Variants in EGFR observed in about 807,000 individuals in gnomAD.
EGFR encodes epidermal growth factor receptor.
In EGFR, 58 loss-of-function variants were observed where a neutral mutation model predicts 143.0. The ratio of observed to expected loss-of-function variants is 0.41; its 90% CI spans 0.33 to 0.50. The LOEUF is 0.50. EGFR is among the 20% of genes least tolerant of loss of function. The pLI is 0.39. For missense variants in EGFR, 1,307 were observed against 1,579.0 expected, an observed-to-expected ratio of 0.83 and a Z score of 2.92; for synonymous variants, 613 against 594.4, an observed-to-expected ratio of 1.03 and a Z score of -0.45.
chr7:55,022,891 A>T (rs1326172193), intron 1 of EGFR, among the ~76,000 whole-genome samples: 2 of 152,228 alleles, frequency 1.3e-5, no homozygotes, highest in Non-Finnish European at 2.9e-5. Flanking sequence ...CATGTTCTGA[A>T]ATGTTTTTAG....
chr7:55,082,848 C>G (rs1206648876), intron 1 of EGFR, among the ~76,000 whole-genome samples: 1 of 152,234 alleles, frequency 6.6e-6, no homozygotes, highest in Non-Finnish European at 1.5e-5. Context: ...TAGAGTCTCT[C>G]TCTCTGAAAC....
chr7:55,090,802 G>C (rs1230668348), intron 1 of EGFR, among the ~76,000 whole-genome samples: 1 of 152,176 alleles, frequency 6.6e-6, no homozygotes, highest in African/African-American at 2.4e-5. Flanking sequence ...TTGGCTTCAG[G>C]AATGAGGCTA....
chr7:55,062,575 A>G (rs1789251162), intron 1 of EGFR, among the ~76,000 whole-genome samples: 1 of 152,150 alleles, frequency 6.6e-6, no homozygotes, highest in South Asian at 2.1e-4. Context: ...TTCTGAATAT[A>G]ACTCCATGGT....
rs151064287 is a variant in EGFR, at chr7:55,192,815, C to G, written c.2675C>G (p.Thr892Ser). The G allele has an allele frequency of 6.2e-7, 1 of 1,614,200 alleles. No homozygotes were observed. ...ALESILHRIY[T>S]HQSDVWSYGV... ...GAATCAATTTTACACAGAATCTATA[C>G]CCACCAGAGTGATGTCTGGAGCTAC... The change falls in exon 22 of 28, where the codon ACC (threonine) becomes AGC (serine). Residue 892 changes from threonine to serine, a missense_variant. Coordinates refer to ENST00000275493, the MANE Select transcript of EGFR (RefSeq NM_005228.5).
Position 55,019,306 on chromosome 7 carries a change from C to T in EGFR, c.29C>T (p.Ala10Val), listed in dbSNP as rs1217714114. ...CGACCCTCCGGGACGGCCGGGGCAGCGCTCCTGGCGCTGCTGGCTGCGCTC... is the reference window on the plus strand; with the variant it reads ...CGACCCTCCGGGACGGCCGGGGCAGTGCTCCTGGCGCTGCTGGCTGCGCTC... MRPSGTAGAALLALLAALCP... is the reference protein window; with the variant it reads MRPSGTAGAVLLALLAALCP... The change falls in exon 1 of 28, where the codon GCG becomes GTG. Residue 10 changes from alanine to valine, a missense_variant. By Grantham distance (64) the Ala-to-Val change is moderately conservative. Transcript: ENST00000275493. 4 of 1,516,798 alleles carry T rather than the reference C, an allele frequency of 2.6e-6. No homozygotes were observed. In the East Asian group the frequency reaches 8.3e-5, roughly 31 times the overall value. The allele number at this position is 1,516,798 out of a possible 1,614,324, so 94.0% of individuals were successfully genotyped here.
In EGFR at chr7:55,191,645, A is replaced by G. The variant is rs1355360695; in HGVS notation, c.2470-74A>G. Reference sequence around the variant, plus strand: ...GAGAGGCTCAGAGCCTGGCATGAACATGACCCTGAATTCGGATGCAGAGCT... The same window carrying G: ...GAGAGGCTCAGAGCCTGGCATGAACGTGACCCTGAATTCGGATGCAGAGCT... On this transcript the variant is annotated intron_variant, in intron 20 of 27. Coordinates refer to ENST00000275493, the MANE Select transcript of EGFR (RefSeq NM_005228.5). 8.1e-6 allele frequency: 13 copies of G among 1,600,164 alleles called. No individual in the cohort carries two copies. The East Asian group carries it at 2.5e-4, about 30-fold the overall frequency.
intron 1 of EGFR, among the ~76,000 whole-genome samples, chr7:55,114,353 G>A (rs1422282140): frequency 6.6e-6 from 1 of 152,132 alleles, no homozygotes; most frequent in Non-Finnish European, 1.5e-5. Flanking sequence ...AGGTGTAGTG[G>A]CACATGCCTG....
intron 1 of EGFR, among the ~76,000 whole-genome samples, chr7:55,035,859 A>G (rs1787533609): frequency 6.6e-6 from 1 of 152,086 alleles, no homozygotes; most frequent in South Asian, 2.1e-4. Context: ...GGGAGGTCCT[A>G]TCCCCCTTCC....
chr7:55,191,841 G>A lies in EGFR; in HGVS notation c.2592G>A (p.Ala864=), dbSNP rs397517131. 8.6e-5 allele frequency: 138 copies of A among 1,613,968 alleles called. 1 individual carries two copies. Among genetic ancestry groups the A allele is most frequent in the South Asian group, 3.5e-4 (32 of 91,076 alleles). The stretch of plus-strand genomic sequence containing the variant: ...TTGGGCTGGCCAAACTGCTGGGTGC[G>A]GAAGAGAAAGAATACCATGCAGAAG... ...TDFGLAKLLG[A]EEKEYHAEGG... Residue 864 remains alanine, a synonymous_variant, in exon 21 of 28, where the codon GCG becomes GCA. Transcript: ENST00000275493.
At position 55,067,951 on chromosome 7, in the gene EGFR, T is replaced by C. The variant is rs564693652; in HGVS notation, c.88+48586T>C. 1.7e-4 allele frequency among the ~76,000 whole-genome samples: 25 copies of C among 151,356 alleles called. 1 individual carries two copies. Among genetic ancestry groups the C allele is most frequent in the Non-Finnish European group, 2.6e-4 (18 of 68,000 alleles). ...CTGCGCACGTGTGTATGCATGTATA[T>C]GGGTATGTGTGTACGTGTGTACGTG... On this transcript the variant is annotated intron_variant, in intron 1 of 27. Transcript: ENST00000275493.
chr7:55,191,592 C>G (rs1166192754), intron 20 of EGFR, 127 bp from the exon 21 acceptor site: 1 of 1,230,698 alleles, frequency 8.1e-7, no homozygotes, highest in Non-Finnish European at 1.2e-6. Flanking sequence ...TAGTCACTAA[C>G]GTTCGCCAGC....
At chr7:55,058,377 G>A (rs974255730) in intron 1 of EGFR, among the ~76,000 whole-genome samples, 8 of 151,384 alleles carry the variant, frequency 5.3e-5, no homozygotes, top group African/African-American at 1.7e-4. Context: ...CTAGGTGACA[G>A]AGCGAGACTC....
In EGFR at chr7:55,128,605, G is replaced by T. The variant is rs73696547; in HGVS notation, c.89-13681G>T. Among the ~76,000 whole-genome samples the T allele has an allele frequency of 8.3e-3, 1,269 of 152,270 alleles. 20 individuals are homozygous for T. Among genetic ancestry groups the T allele is most frequent in the African/African-American group, 0.028 (1,184 of 41,548 alleles). ...ATTCCCTTGCATAGTAATTAATAAT[G>T]AAGCAAAGCATGGCAATGATATCTT... On this transcript the variant is annotated intron_variant, in intron 1 of 27. Transcript: ENST00000275493.
chr7:55,193,423 G>C (rs914167197), intron 22 of EGFR, among the ~76,000 whole-genome samples: 5 of 152,218 alleles, frequency 3.3e-5, no homozygotes, highest in African/African-American at 9.6e-5. Flanking sequence ...CCCAGCACTG[G>C]CCTGTACCCA....
intron 1 of EGFR, among the ~76,000 whole-genome samples, chr7:55,090,953 T>G (rs1011641270): frequency 7.2e-5 from 11 of 152,216 alleles, no homozygotes; most frequent in African/African-American, 2.7e-4. Context: ...TATATGAGAT[T>G]GTTATTAAAT....
rs1164785061 is a variant in EGFR at position 55,202,584 on chromosome 7, T to C, written c.3230T>C (p.Leu1077Ser). ...TACAGCTCAGACCCCACAGGCGCCTTGACTGAGGACAGCATAGACGACACC... is the reference window on the plus strand; with the variant it reads ...TACAGCTCAGACCCCACAGGCGCCTCGACTGAGGACAGCATAGACGACACC... Reference protein sequence around the residue: ...QRYSSDPTGALTEDSIDDTFL... With the variant: ...QRYSSDPTGASTEDSIDDTFL... Residue 1077 changes from leucine to serine, a missense_variant, in exon 27 of 28, where the codon TTG becomes TCG. By Grantham distance (145) the Leu-to-Ser change is moderately radical. This residue lies in a region of EGFR where 313 missense variants were observed against 312.3 expected (regional missense o/e 1.00). Coordinates refer to ENST00000275493, the MANE Select transcript of EGFR (RefSeq NM_005228.5). 3.1e-6 allele frequency: 5 copies of C among 1,613,450 alleles called. No individual in the cohort carries two copies. Among genetic ancestry groups the C allele is most frequent in the Non-Finnish European group, 4.2e-6 (5 of 1,179,744 alleles).
rs1312466464 is a variant in EGFR at position 55,207,728 on chromosome 7, C to G, written c.*2111C>G. 6.6e-6 allele frequency: 1 copy of G among 152,488 alleles called. No homozygotes were observed. Among genetic ancestry groups the G allele is most frequent in the Non-Finnish European group, 1.5e-5 (1 of 68,164 alleles). 9.4% of individuals were successfully genotyped at this position (152,488 alleles called of 1,614,324 possible). A position where few individuals can be genotyped will look rare whatever the true frequency, so the allele number is the denominator to read the frequency against. The stretch of plus-strand genomic sequence containing the variant: ...AGTCACCCTAAACAACCTGCTCCCT[C>G]TAAGCCAGGGGATGAGCTTGGAGCA... On this transcript the variant is annotated 3_prime_UTR_variant, in exon 28 of 28. Transcript: ENST00000275493.
At position 55,211,440 on chromosome 7, in the gene EGFR, C is replaced by A. The variant is rs1439541503; in HGVS notation, c.*5823C>A. On this transcript the variant is annotated 3_prime_UTR_variant, in exon 28 of 28. Transcript: ENST00000275493. ...AGCTTCAACATATGGTACGTTTTAA[C>A]CTTGAAAGTTTTGCAATGATGAAAG... is the stretch of plus-strand genomic sequence containing the variant. 1 of 152,100 alleles carries A rather than the reference C, an allele frequency of 6.6e-6. No homozygotes were observed. The highest frequency in any genetic ancestry group is 1.5e-5 in the Non-Finnish European group (1 of 68,034). 9.4% of individuals were successfully genotyped at this position (152,100 alleles called of 1,614,324 possible).
At chr7:55,066,553 G>A (rs756598885) in intron 1 of EGFR, among the ~76,000 whole-genome samples, 7 of 152,186 alleles carry the variant, frequency 4.6e-5, no homozygotes, top group South Asian at 2.1e-4. Flanking sequence ...ATTATCTTTC[G>A]CACATCACAG....
Sources: gnomAD v4.1 joint callset for allele counts (sites outside exome capture counted in the v4.1 genomes callset) on GRCh38, gnomAD v4.1.1 for gene constraint, gnomAD v4.1.1 regional missense constraint, MANE v1.5 for transcripts, NCBI Gene and HGNC (gene_info 2026-07-23, HGNC 2026-07-21) for gene names.